Variants in B4GALT5 observed in about 807,000 individuals in gnomAD.
B4GALT5 encodes UDP-Gal:beta-GlcNAc beta-1,4-galactosyltransferase 5.
In B4GALT5, 11 loss-of-function variants were observed where a neutral mutation model predicts 45.0. The ratio of observed to expected loss-of-function variants is 0.24; its 90% CI spans 0.15 to 0.40. The LOEUF (loss-of-function observed/expected upper bound fraction) is 0.40, where lower values mean the gene tolerates loss of function less well. B4GALT5 is among the 10% of genes least tolerant of loss of function. The probability of loss-of-function intolerance (pLI) is 1.00; values close to 1 mark genes in which losing one functional copy is unlikely to be tolerated. For synonymous variants in B4GALT5, 185 were observed against 182.9 expected (o/e 1.01, Z -0.09); for missense variants, 337 against 500.2 (o/e 0.67, Z 3.11).
At chr20:49,651,243 G>C (rs1007686668) in intron 2 of B4GALT5, among the ~76,000 whole-genome samples, 1 of 151,946 alleles carries the variant, frequency 6.6e-6, no homozygotes, top group Non-Finnish European at 1.5e-5. Flanking sequence ...CCGAGATCCC[G>C]CCACTGCACT....
rs372735772 is a variant in B4GALT5, at chr20:49,713,504, G to A, written c.115+72C>T. On this transcript the variant is annotated intron_variant, in intron 1 of 8. Transcript: ENST00000371711. ...CCGCCTCCCGGCCGGGGCCCCTTAG[G>A]GAGGGGCGGGGATTCCCCGGGTCCC... is the stretch of plus-strand genomic sequence containing the variant. The A allele has an allele frequency of 8.9e-3, 13,115 of 1,467,236 alleles. 89 individuals are homozygous for A. Among genetic ancestry groups the A allele is most frequent in the Non-Finnish European group, 0.01 (11,112 of 1,081,678 alleles). 90.9% of individuals were successfully genotyped at this position (1,467,236 alleles called of 1,614,324 possible).
At chr20:49,636,595 G>T in intron 8 of B4GALT5, 136 bp from the exon 9 acceptor site, 1 of 940,860 alleles carries the variant, frequency 1.1e-6, no homozygotes, top group Non-Finnish European at 1.6e-6. Flanking sequence ...GTGGGCGCAC[G>T]GCCAATTCTG....
chr20:49,686,653 G>A (rs1263008020), intron 1 of B4GALT5, among the ~76,000 whole-genome samples: 2 of 147,930 alleles, frequency 1.4e-5, no homozygotes, highest in South Asian at 2.1e-4. Flanking sequence ...TTGGGAGACC[G>A]AGGCAAGAGG....
At chr20:49,658,202 A>C (rs544114566) in intron 1 of B4GALT5, among the ~76,000 whole-genome samples, 5 of 152,286 alleles carry the variant, frequency 3.3e-5, no homozygotes, top group Admixed American at 2.0e-4. Flanking sequence ...TAAGGAAAAA[A>C]GACAGCTTCC....
At chr20:49,639,542 T>C (rs1017475704) in intron 7 of B4GALT5, 136 bp downstream of exon 7, 1 of 1,344,256 alleles carries the variant, frequency 7.4e-7, no homozygotes, top group African/African-American at 1.5e-5. Flanking sequence ...TTCATTTTTT[T>C]CCTTAACCTT....
chr20:49,653,996 T>A (rs2085632131), intron 2 of B4GALT5, among the ~76,000 whole-genome samples: 1 of 152,180 alleles, frequency 6.6e-6, no homozygotes, highest in South Asian at 2.1e-4. Context: ...CATGCCCCTC[T>A]AACTTCTGAG....
rs529495559 is a variant in B4GALT5 at position 49,687,500 on chromosome 20, C to T, written c.115+26076G>A. ...CTCTACTAAAAATACAAAAATTAGC[C>T]GGGTGTGGTGGCAGGCGCGTGTAAT... is the stretch of plus-strand genomic sequence containing the variant. On this transcript the variant is annotated intron_variant, in intron 1 of 8. Transcript: ENST00000371711. 1.7e-3 allele frequency among the ~76,000 whole-genome samples: 264 copies of T among 151,916 alleles called. 1 individual carries two copies. Among genetic ancestry groups the T allele is most frequent in the East Asian group, 9.7e-4 (5 of 5,144 alleles).
intron 1 of B4GALT5, among the ~76,000 whole-genome samples, chr20:49,677,920 A>AT (rs1033615874): frequency 2.0e-5 from 3 of 152,056 alleles, no homozygotes; most frequent in Admixed American, 6.6e-5. Flanking sequence ...TAATTTTTGT[A>AT]TTTTTTAGTA....
rs2085572117 is a variant in B4GALT5 at position 49,640,469 on chromosome 20, G to A, written c.794+9C>T. 1 of 1,557,344 alleles carries A rather than the reference G, an allele frequency of 6.4e-7. No homozygotes were observed. Among genetic ancestry groups the A allele is most frequent in the Admixed American group, 2.0e-5 (1 of 49,190 alleles). On this transcript the variant is annotated intron_variant, in intron 6 of 8. Transcript: ENST00000371711. Reference sequence around the variant, plus strand: ...TTAACCTCTTTAATTAAGAAGAAATGATACTCACAGATACATATACTTATC... The same window carrying A: ...TTAACCTCTTTAATTAAGAAGAAATAATACTCACAGATACATATACTTATC...
chr20:49,637,001 C>G (rs370080860), intron 8 of B4GALT5, among the ~76,000 whole-genome samples: 1 of 151,854 alleles, frequency 6.6e-6, no homozygotes, highest in African/African-American at 2.4e-5. Context: ...CCATTCGGAA[C>G]GGGAGCCTGC....
chr20:49,657,162 G>A (rs2085646985), intron 1 of B4GALT5, among the ~76,000 whole-genome samples: 1 of 152,162 alleles, frequency 6.6e-6, no homozygotes, highest in South Asian at 2.1e-4. Context: ...GCCATGGTCT[G>A]AAGCCACGGT....
intron 1 of B4GALT5, among the ~76,000 whole-genome samples, chr20:49,712,858 A>AGGGGG (rs2085922367): frequency 7.6e-6 from 1 of 131,814 alleles, no homozygotes; most frequent in African/African-American, 3.0e-5. Flanking sequence ...GAGATGGGGA[A>AGGGGG]GAGGCATGGG....
intron 1 of B4GALT5, chr20:49,684,605 C>CA (rs1339279044): frequency 5.8e-6 from 3 of 517,688 alleles, no homozygotes; most frequent in African/African-American, 5.8e-5. Flanking sequence ...GGCCACATAT[C>CA]AAGGACATAA....
intron 1 of B4GALT5, among the ~76,000 whole-genome samples, chr20:49,713,088 G>A (rs1475027746): frequency 6.6e-6 from 1 of 151,602 alleles, no homozygotes; most frequent in Admixed American, 6.6e-5. Context: ...GGGGAGGATG[G>A]ATGGGAGCTA....
At chr20:49,682,180 T>C (rs1464291709) in intron 1 of B4GALT5, among the ~76,000 whole-genome samples, 1 of 152,202 alleles carries the variant, frequency 6.6e-6, no homozygotes, top group Non-Finnish European at 1.5e-5. Flanking sequence ...TGGCTTACAC[T>C]AAACCAGGAG....
chr20:49,681,244 A>C (rs112076267), intron 1 of B4GALT5, among the ~76,000 whole-genome samples: 2 of 146,436 alleles, frequency 1.4e-5, no homozygotes, highest in African/African-American at 5.1e-5. Context: ...AAAAAATAGT[A>C]AGAAGAACAT....
intron 5 of B4GALT5, among the ~76,000 whole-genome samples, chr20:49,641,972 G>A (rs1324150874): frequency 3.9e-5 from 6 of 151,966 alleles, no homozygotes; most frequent in South Asian, 2.1e-4. Flanking sequence ...TTTGCCATGC[G>A]GTCTTCTTCA....
intron 1 of B4GALT5, 46 bp downstream of exon 1, chr20:49,713,530 T>C (rs2085929698): frequency 6.5e-7 from 1 of 1,534,826 alleles, no homozygotes; most frequent in Non-Finnish European, 8.8e-7. Flanking sequence ...CCCGGGTCCC[T>C]CAAGGCCAGA....
rs143656862 is a variant in B4GALT5 at position 49,658,739 on chromosome 20, T to C, written c.116-2037A>G. On this transcript the variant is annotated intron_variant, in intron 1 of 8. Transcript: ENST00000371711. ...AAGAAGCCTGTTTCCTAGGTCCCAC[T>C]ACCCAGACTGATGCATCTGGTCTGA... is the stretch of plus-strand genomic sequence containing the variant. 8.9e-4 allele frequency among the ~76,000 whole-genome samples: 136 copies of C among 152,264 alleles called. 2 individuals are homozygous for C. Among genetic ancestry groups the C allele is most frequent in the African/African-American group, 2.8e-3 (116 of 41,554 alleles).
Sources: gnomAD v4.1 joint callset for allele counts (sites outside exome capture counted in the v4.1 genomes callset) on GRCh38, gnomAD v4.1.1 for gene constraint, MANE v1.5 for transcripts, NCBI Gene and HGNC (gene_info 2026-07-23, HGNC 2026-07-21) for gene names.